Variants in LAMA2 observed in about 807,000 individuals in gnomAD.
LAMA2 encodes laminin subunit alpha-2.
A neutral mutation model predicts 364.8 loss-of-function variants in LAMA2; 269 were observed. The ratio of observed to expected loss-of-function variants is 0.74; its 90% confidence interval spans 0.67 to 0.82. The LOEUF (loss-of-function observed/expected upper bound fraction) is 0.82, where lower values mean the gene tolerates loss of function less well. LAMA2 is among the 40% of genes least tolerant of loss of function. LAMA2 has a pLI of 0.00. For missense variants in LAMA2, 3,807 were observed against 3,873.2 expected (o/e 0.98, Z 0.45); for synonymous variants, 1,379 against 1,370.6 (o/e 1.01, Z -0.14).
At chr6:129,401,361 A>C in intron 38 of LAMA2, 21 bp downstream of exon 38, 2 of 1,390,076 alleles carry the variant, frequency 1.4e-6, no homozygotes, top group Non-Finnish European at 2.0e-6. Flanking sequence ...GGTAAAACTC[A>C]AAAGAGAGAT....
intron 18 of LAMA2, among the ~76,000 whole-genome samples, chr6:129,287,033 AG>A (rs1789299472): frequency 6.4e-4 from 1 of 1,570 alleles, no homozygotes; most frequent in Non-Finnish European, 4.1e-3. Context: ...GGAGGGAGGG[AG>A]GGAGGAAGGA....
At chr6:129,170,174 C>G (rs1333685866) in intron 9 of LAMA2, among the ~76,000 whole-genome samples, 3 of 148,828 alleles carry the variant, frequency 2.0e-5, no homozygotes, top group Non-Finnish European at 4.5e-5. Context: ...CAGTTCTGCT[C>G]TGATTTTAGT....
intron 1 of LAMA2, among the ~76,000 whole-genome samples, chr6:129,012,179 C>T (rs567136018): frequency 6.6e-4 from 100 of 152,260 alleles, no homozygotes; most frequent in African/African-American, 2.4e-3. Flanking sequence ...ATATGCTTCT[C>T]TTATTTTTCT....
intron 10 of LAMA2, among the ~76,000 whole-genome samples, chr6:129,183,932 G>A (rs569415154): frequency 1.3e-5 from 2 of 151,990 alleles, no homozygotes; most frequent in Middle Eastern, 3.4e-3. Flanking sequence ...CTAAAATCTC[G>A]TGAAGCTTTG....
intron 1 of LAMA2, among the ~76,000 whole-genome samples, chr6:129,008,966 A>G (rs1313137263): frequency 6.6e-6 from 1 of 152,236 alleles, no homozygotes; most frequent in Non-Finnish European, 1.5e-5. Context: ...TCAAAGACCC[A>G]GATAGAAATG....
chr6:129,266,279 G>A (rs1787506711), intron 15 of LAMA2, among the ~76,000 whole-genome samples: 1 of 152,230 alleles, frequency 6.6e-6, no homozygotes, highest in Non-Finnish European at 1.5e-5. Context: ...CCCACAGATG[G>A]AAAACTTAAT....
chr6:129,436,435 T>G (rs1781835731), intron 41 of LAMA2, among the ~76,000 whole-genome samples: 1 of 152,190 alleles, frequency 6.6e-6, no homozygotes, highest in Non-Finnish European at 1.5e-5. Flanking sequence ...ACCTGTACCA[T>G]TGTATGAACA....
chr6:129,299,783 G>A (rs1191500989), intron 21 of LAMA2, among the ~76,000 whole-genome samples: 1 of 152,088 alleles, frequency 6.6e-6, no homozygotes, highest in Admixed American at 6.6e-5. Flanking sequence ...GTAATGCTGT[G>A]AGCAATGAAT....
rs962841979 is a variant in LAMA2, at chr6:129,456,279, T to G, written c.6708-56T>G. The G allele has an allele frequency of 3.4e-6, 5 of 1,450,380 alleles. No individual in the cohort carries two copies. In the East Asian group the frequency reaches 9.1e-5, roughly 26 times the overall value. The allele number at this position is 1,450,380 out of a possible 1,614,324, so 89.8% of individuals were successfully genotyped here. ...AAATCTGGAATTACCAGAAATGTGA[T>G]GCATATTTCATTTTCTGTATGTTCC... On this transcript the variant is annotated intron_variant, in intron 47 of 64. Coordinates refer to ENST00000421865, the MANE Select transcript of LAMA2 (RefSeq NM_000426.4).
At chr6:129,173,583 T>A (rs1376946618) in intron 9 of LAMA2, among the ~76,000 whole-genome samples, 1 of 152,176 alleles carries the variant, frequency 6.6e-6, no homozygotes, top group African/African-American at 2.4e-5. Flanking sequence ...CAATAATTAA[T>A]GCTTATAATT....
chr6:128,972,209 A>T (rs1782227982), intron 1 of LAMA2, among the ~76,000 whole-genome samples: 1 of 152,214 alleles, frequency 6.6e-6, no homozygotes, highest in South Asian at 2.1e-4. Flanking sequence ...CACTGTTTGA[A>T]AAACCTTATT....
At chr6:129,162,188 G>C (rs1050196514) in intron 8 of LAMA2, among the ~76,000 whole-genome samples, 5 of 152,170 alleles carry the variant, frequency 3.3e-5, no homozygotes, top group African/African-American at 9.6e-5. Flanking sequence ...AGTAATAGCC[G>C]TTCTGACCAG....
At chr6:128,917,781 TG>T (rs1778435811) in intron 1 of LAMA2, among the ~76,000 whole-genome samples, 1 of 140,728 alleles carries the variant, frequency 7.1e-6, no homozygotes, top group Non-Finnish European at 1.5e-5. Flanking sequence ...TTGCCCAGGC[TG>T]AAGTGCAGTG....
intron 37 of LAMA2, among the ~76,000 whole-genome samples, chr6:129,399,846 G>C (rs1218889904): frequency 1.3e-5 from 2 of 152,202 alleles, no homozygotes; most frequent in Admixed American, 6.5e-5. Flanking sequence ...TTTTAAAACT[G>C]TGATTTCTAT....
intron 1 of LAMA2, among the ~76,000 whole-genome samples, chr6:129,026,416 T>C (rs1785824172): frequency 6.6e-6 from 1 of 152,144 alleles, no homozygotes; most frequent in African/African-American, 2.4e-5. Flanking sequence ...TGCACTAAAA[T>C]TGAGTCTAAC....
At chr6:129,515,709 A>T (rs1168581823) in intron 64 of LAMA2, among the ~76,000 whole-genome samples, 1 of 152,342 alleles carries the variant, frequency 6.6e-6, no homozygotes, top group African/African-American at 2.4e-5. Flanking sequence ...CACAACTATA[A>T]ATTTGTTCAT....
intron 8 of LAMA2, among the ~76,000 whole-genome samples, chr6:129,164,234 A>G (rs1166050587): frequency 6.6e-6 from 1 of 152,198 alleles, no homozygotes; most frequent in Non-Finnish European, 1.5e-5. Context: ...TATACAGCAT[A>G]GATATGCTGG....
chr6:129,332,436 C>T (rs1392497213), intron 29 of LAMA2, among the ~76,000 whole-genome samples: 3 of 152,032 alleles, frequency 2.0e-5, no homozygotes, highest in Non-Finnish European at 4.4e-5. Flanking sequence ...CTTTATTTCT[C>T]TTCTCTTCTA....
intron 12 of LAMA2, among the ~76,000 whole-genome samples, chr6:129,205,175 G>C (rs895692098): frequency 6.6e-6 from 1 of 151,692 alleles, no homozygotes; most frequent in Non-Finnish European, 1.5e-5. Flanking sequence ...GGATCACGAC[G>C]TCAGGAGATG....
Sources: gnomAD v4.1 joint callset for allele counts (sites outside exome capture counted in the v4.1 genomes callset) on GRCh38, gnomAD v4.1.1 for gene constraint, MANE v1.5 for transcripts, NCBI Gene and HGNC (gene_info 2026-07-23, HGNC 2026-07-21) for gene names.